HERC2: variants seen among roughly 807,000 people sequenced by gnomAD.
The protein encoded by HERC2 is E3 ubiquitin-protein ligase HERC2.
In HERC2, 102 loss-of-function variants were observed where a neutral mutation model predicts 537.7. The observed-to-expected ratio is 0.19, with a 90% CI of 0.16 to 0.22. HERC2 has a LOEUF of 0.22. Ranked by LOEUF, HERC2 falls within the 10% of genes least tolerant of loss-of-function variation. The probability of loss-of-function intolerance (pLI) is 1.00; values close to 1 mark genes in which losing one functional copy is unlikely to be tolerated. For synonymous variants in HERC2, 2,224 were observed against 2,466.2 expected (o/e 0.90, Z 2.91); for missense variants, 4,236 against 6,198.2 (o/e 0.68, Z 10.63).
chr15:28,287,046 C>A (rs1015046418), intron 4 of HERC2, among the ~76,000 whole-genome samples: 2 of 151,970 alleles, frequency 1.3e-5, no homozygotes, highest in African/African-American at 4.8e-5. Context: ...TATGTGCGTG[C>A]GCGCTGTAAA....
chr15:28,292,295 T>C (rs867837091), intron 4 of HERC2, among the ~76,000 whole-genome samples: 4 of 142,748 alleles, frequency 2.8e-5, no homozygotes, highest in African/African-American at 1.0e-4. Flanking sequence ...AGTGAATGTA[T>C]ACAAATGGTC....
chr15:28,223,477 G>C (rs554074498), intron 35 of HERC2, among the ~76,000 whole-genome samples: 34 of 152,228 alleles, frequency 2.2e-4, no homozygotes, highest in South Asian at 1.0e-3. Context: ...AAACTAGCAG[G>C]GGAAACAGCC....
intron 23 of HERC2, among the ~76,000 whole-genome samples, chr15:28,243,080 G>C (rs948328534): frequency 6.6e-6 from 1 of 152,202 alleles, no homozygotes; most frequent in East Asian, 1.9e-4. Context: ...GGGAAAAGCT[G>C]CAAGATCAGA....
chr15:28,129,781 T>A (rs1483912334), intron 83 of HERC2, among the ~76,000 whole-genome samples: 1 of 9,680 alleles, frequency 1.0e-4, no homozygotes, highest in African/African-American at 1.1e-4. Flanking sequence ...CTCTGCCTCC[T>A]TTTTTTTTTT....
chr15:28,162,964 A>G (rs1034728990), intron 69 of HERC2, 130 bp downstream of exon 69: 3 of 751,414 alleles, frequency 4.0e-6, no homozygotes, highest in East Asian at 5.0e-5. Flanking sequence ...GAGTGCTCCT[A>G]ACCTGCAGTC....
chr15:28,149,937 T>C (rs763138227), intron 70 of HERC2, among the ~76,000 whole-genome samples: 2 of 144,644 alleles, frequency 1.4e-5, no homozygotes, highest in Non-Finnish European at 3.0e-5. Flanking sequence ...ACGCACATTC[T>C]AGTAAAATTA....
intron 23 of HERC2, among the ~76,000 whole-genome samples, chr15:28,243,756 T>C (rs2140768883): frequency 6.6e-6 from 1 of 152,288 alleles, no homozygotes; most frequent in Non-Finnish European, 1.5e-5. Context: ...AGTGGAACAC[T>C]GAGAATTCTC....
intron 48 of HERC2, among the ~76,000 whole-genome samples, chr15:28,200,531 T>G (rs1362821098): frequency 2.0e-5 from 3 of 152,154 alleles, no homozygotes; most frequent in Non-Finnish European, 4.4e-5. Context: ...TTGTTGAAGC[T>G]GCCAGTCTAT....
At position 28,255,946 on chromosome 15, in the gene HERC2, G is replaced by A. The variant is rs1309018753; in HGVS notation, c.2797C>T (p.Leu933Phe). ...TCAGCCATCAAGCTGCCCACCAGAA[G>A]ATCAATCATGAATCGACGACCTGGA... Reference protein sequence around the residue: ...ISPGRRFMIDLLVGSLMADGG... With the variant: ...ISPGRRFMIDFLVGSLMADGG... The change falls in exon 19 of 93, where the codon CTT (leucine) becomes TTT (phenylalanine). Residue 933 changes from leucine (L) to phenylalanine (F), a missense_variant. By Grantham distance (22) the Leu-to-Phe change is conservative. Transcript: ENST00000261609. 1 of 1,600,022 alleles carries A rather than the reference G, an allele frequency of 6.2e-7. No individual in the cohort carries two copies. Among genetic ancestry groups the A allele is most frequent in the Non-Finnish European group, 8.5e-7 (1 of 1,175,080 alleles).
intron 44 of HERC2, among the ~76,000 whole-genome samples, chr15:28,210,709 C>A (rs1266848522): frequency 3.3e-5 from 5 of 152,066 alleles, no homozygotes; most frequent in African/African-American, 1.2e-4. Flanking sequence ...TGGGAGTCTG[C>A]ATTTCTAACA....
At chr15:28,120,301 T>C (rs1014724447) in intron 86 of HERC2, among the ~76,000 whole-genome samples, 3 of 152,230 alleles carry the variant, frequency 2.0e-5, no homozygotes, top group Non-Finnish European at 4.4e-5. Context: ...AAGAGTTTCG[T>C]GTCTTAATTC....
chr15:28,228,558 A>G (rs1315988591), intron 34 of HERC2, 149 bp from the exon 35 acceptor site: 1 of 771,856 alleles, frequency 1.3e-6, no homozygotes, highest in African/African-American at 1.7e-5. Flanking sequence ...AACGTAACGC[A>G]GAAAGCACGG....
At position 28,121,432 on chromosome 15, in the gene HERC2, A is replaced by G. The variant is rs754373712; in HGVS notation, c.13189-3T>C. On this transcript the variant is annotated splice_region_variant and splice_polypyrimidine_tract_variant and intron_variant, in intron 85 of 92. Transcript: ENST00000261609. ...ACTACTTTCCGGAAAGCCGCCTCCT[A>G]AAACACATCAAACAGACAAAATTTA... 6.2e-7 allele frequency: 1 copy of G among 1,611,788 alleles called. No individual in the cohort carries two copies. Among genetic ancestry groups the G allele is most frequent in the African/African-American group, 1.3e-5 (1 of 74,892 alleles).
intron 2 of HERC2, among the ~76,000 whole-genome samples, chr15:28,311,128 G>C (rs1429707143): frequency 1.8e-5 from 1 of 55,226 alleles, no homozygotes; most frequent in Admixed American, 1.7e-4. Flanking sequence ...GTCCAAAAAA[G>C]AAAGGATGAC....
intron 16 of HERC2, among the ~76,000 whole-genome samples, chr15:28,260,151 G>C (rs2075380089): frequency 6.6e-6 from 1 of 150,950 alleles, no homozygotes; most frequent in Admixed American, 6.6e-5. Flanking sequence ...ACCAGCCTGG[G>C]CAACATAGTG....
chr15:28,313,443 C>T (rs1388222934), intron 2 of HERC2, among the ~76,000 whole-genome samples: 2 of 152,036 alleles, frequency 1.3e-5, no homozygotes, highest in East Asian at 1.9e-4. Flanking sequence ...CCTGGGATTA[C>T]AGGCGGGAGC....
rs558327905 is a variant in HERC2 at position 28,186,016 on chromosome 15, A to G, written c.8825+561T>C. Among the ~76,000 whole-genome samples the G allele has an allele frequency of 3.9e-5, 6 of 152,366 alleles. No homozygotes were observed. The East Asian group carries it at 1.2e-3, about 29-fold the overall frequency. On this transcript the variant is annotated intron_variant, in intron 56 of 92. Coordinates refer to ENST00000261609, the MANE Select transcript of HERC2 (RefSeq NM_004667.6). The stretch of plus-strand genomic sequence containing the variant: ...ATTGAGTGAGTAAATGAGAACAGTC[A>G]TAAGATGAAATACTGCACTCAAAAA...
chr15:28,160,019 G>T (rs770076265), intron 69 of HERC2, among the ~76,000 whole-genome samples: 4 of 152,226 alleles, frequency 2.6e-5, no homozygotes, highest in Non-Finnish European at 5.9e-5. Context: ...GTTTGCCTGG[G>T]TATCAGCAGC....
intron 78 of HERC2, 37 bp downstream of exon 78, chr15:28,141,395 G>A (rs1203656188): frequency 3.8e-6 from 6 of 1,593,438 alleles, no homozygotes; most frequent in South Asian, 1.1e-5. Flanking sequence ...ACTGCCTCAG[G>A]CTCAATGACC....
Sources: gnomAD v4.1 joint callset for allele counts (sites outside exome capture counted in the v4.1 genomes callset) on GRCh38, gnomAD v4.1.1 for gene constraint, MANE v1.5 for transcripts, NCBI Gene and HGNC (gene_info 2026-07-23, HGNC 2026-07-21) for gene names.